SORCS3: variants seen among roughly 807,000 people sequenced by gnomAD.
The protein encoded by SORCS3 is sortilin related VPS10 domain containing receptor 3, also known as VPS10 domain-containing receptor SorCS3.
Under a neutral mutation model 146.3 loss-of-function variants are expected in SORCS3, and 57 were observed. The ratio of observed to expected loss-of-function variants is 0.39; its 90% CI spans 0.31 to 0.49. The LOEUF is 0.49. Among genes scored for constraint, SORCS3 ranks in the 20% least tolerant of loss-of-function variants. The pLI, the probability that SORCS3 is intolerant of heterozygous loss-of-function variation, is 0.92. For synonymous variants in SORCS3, 653 were observed against 618.5 expected (o/e 1.06, Z -0.83); for missense variants, 1,341 against 1,575.5 (o/e 0.85, Z 2.52).
intron 20 of SORCS3, among the ~76,000 whole-genome samples, chr10:105,233,445 T>C (rs993154705): frequency 6.6e-6 from 1 of 152,290 alleles, no homozygotes; most frequent in Admixed American, 6.5e-5. Flanking sequence ...CTGGGGTACA[T>C]GTGAAGAACA....
chr10:105,019,769 A>G (rs1478315460), intron 4 of SORCS3, among the ~76,000 whole-genome samples: 1 of 152,208 alleles, frequency 6.6e-6, no homozygotes, highest in Non-Finnish European at 1.5e-5. Flanking sequence ...TCTTATCATC[A>G]TTGTGACTCT....
At chr10:105,254,016 C>A (rs766778866) in intron 23 of SORCS3, among the ~76,000 whole-genome samples, 1 of 152,136 alleles carries the variant, frequency 6.6e-6, no homozygotes, top group Non-Finnish European at 1.5e-5. Flanking sequence ...GCGCATACAG[C>A]GAGATAAGAG....
At chr10:105,018,789 G>A (rs2055182716) in intron 4 of SORCS3, among the ~76,000 whole-genome samples, 1 of 151,300 alleles carries the variant, frequency 6.6e-6, no homozygotes, top group Non-Finnish European at 1.5e-5. Flanking sequence ...TATACTCTAA[G>A]TGAATCTCTC....
chr10:104,851,183 A>G (rs12355795), intron 2 of SORCS3, among the ~76,000 whole-genome samples: 14,862 of 152,248 alleles, frequency 0.098, 924 homozygotes, highest in South Asian at 0.24. Context: ...GTAGATCTGG[A>G]TTACAGATTT....
intron 8 of SORCS3, among the ~76,000 whole-genome samples, chr10:105,145,877 C>T (rs1200734864): frequency 6.7e-6 from 1 of 149,254 alleles, no homozygotes; most frequent in Non-Finnish European, 1.5e-5. Flanking sequence ...CTTCTCTCAT[C>T]TCCAGGTTGT....
intron 25 of SORCS3, among the ~76,000 whole-genome samples, chr10:105,261,109 A>C (rs974382053): frequency 6.6e-6 from 1 of 152,184 alleles, no homozygotes; most frequent in Non-Finnish European, 1.5e-5. Context: ...CCTTGCCTAC[A>C]TGGGGCTGTT....
intron 3 of SORCS3, among the ~76,000 whole-genome samples, chr10:104,936,210 A>G (rs1384296054): frequency 2.0e-5 from 3 of 152,186 alleles, no homozygotes; most frequent in Non-Finnish European, 2.9e-5. Context: ...ATGGAAAGCT[A>G]TTCATTATAT....
intron 4 of SORCS3, among the ~76,000 whole-genome samples, chr10:105,028,052 A>G (rs1480401941): frequency 1.3e-5 from 2 of 152,232 alleles, no homozygotes; most frequent in African/African-American, 2.4e-5. Flanking sequence ...GTCAGTATTC[A>G]CTAAATCAGG....
chr10:105,077,005 C>T (rs929969099), intron 5 of SORCS3, among the ~76,000 whole-genome samples: 8 of 152,138 alleles, frequency 5.3e-5, no homozygotes, highest in Non-Finnish European at 1.2e-4. Context: ...TTTCTCTACC[C>T]GTGGGGATTG....
chr10:104,711,230 T>A (rs2016412134), intron 1 of SORCS3, among the ~76,000 whole-genome samples: 1 of 152,196 alleles, frequency 6.6e-6, no homozygotes. Context: ...GTTTTATGAT[T>A]GAGAAAAAGG....
intron 5 of SORCS3, among the ~76,000 whole-genome samples, chr10:105,070,132 C>T (rs1057291774): frequency 3.3e-5 from 5 of 152,198 alleles, no homozygotes; most frequent in Non-Finnish European, 5.9e-5. Flanking sequence ...CTCTTCTCTC[C>T]GCTCCTGAGA....
chr10:104,702,562 A>G (rs966437503), intron 1 of SORCS3, among the ~76,000 whole-genome samples: 1 of 152,214 alleles, frequency 6.6e-6, no homozygotes, highest in Non-Finnish European at 1.5e-5. Context: ...TGCTGGAATT[A>G]CAGGCGTGAA....
At chr10:104,835,090 G>T (rs574978086) in intron 1 of SORCS3, among the ~76,000 whole-genome samples, 1 of 152,170 alleles carries the variant, frequency 6.6e-6, no homozygotes, top group African/African-American at 2.4e-5. Context: ...CTGTGCAATG[G>T]GCACTGTTTG....
In SORCS3 at chr10:105,090,829, T is replaced by C. The variant is rs187310903; in HGVS notation, c.1093+990T>C. ...GATGAATATTAGAGAAACTGAAAAA[T>C]GTTGTATAAATGGAAGGCGATTCTG... On this transcript the variant is annotated intron_variant, in intron 6 of 26. Transcript: ENST00000369701. Among the ~76,000 whole-genome samples the C allele has an allele frequency of 1.3e-3, 195 of 152,100 alleles. 2 individuals are homozygous for C. Among genetic ancestry groups the C allele is most frequent in the Non-Finnish European group, 1.8e-3 (120 of 67,974 alleles).
At chr10:105,148,990 G>A (rs2056150733) in intron 9 of SORCS3, among the ~76,000 whole-genome samples, 2 of 152,118 alleles carry the variant, frequency 1.3e-5, no homozygotes, top group African/African-American at 4.8e-5. Flanking sequence ...TCTCACAAGA[G>A]CTGATGGTTT....
intron 1 of SORCS3, among the ~76,000 whole-genome samples, chr10:104,817,265 G>C (rs1564690499): frequency 6.6e-6 from 1 of 152,086 alleles, no homozygotes; most frequent in Admixed American, 6.5e-5. Flanking sequence ...AATAAGGGCT[G>C]CTGACACATT....
chr10:104,743,152 C>T (rs2016869796), intron 1 of SORCS3, among the ~76,000 whole-genome samples: 1 of 152,116 alleles, frequency 6.6e-6, no homozygotes, highest in Non-Finnish European at 1.5e-5. Flanking sequence ...GGGAACTTGG[C>T]TCTTCAGACT....
At chr10:104,886,826 T>G (rs925746307) in intron 2 of SORCS3, among the ~76,000 whole-genome samples, 5 of 152,208 alleles carry the variant, frequency 3.3e-5, no homozygotes, top group African/African-American at 1.2e-4. Flanking sequence ...TGAGGTTTGC[T>G]TGAGGTTTTC....
chr10:105,199,935 G>A, intron 14 of SORCS3, 64 bp from the exon 15 acceptor site: 2 of 1,155,604 alleles, frequency 1.7e-6, no homozygotes, highest in Admixed American at 1.7e-5. Flanking sequence ...TAGTTTCTGT[G>A]CATTAGTGAC....
Sources: gnomAD v4.1 joint callset for allele counts (sites outside exome capture counted in the v4.1 genomes callset) on GRCh38, gnomAD v4.1.1 for gene constraint, MANE v1.5 for transcripts, NCBI Gene and HGNC (gene_info 2026-07-23, HGNC 2026-07-21) for gene names.